Variants in MAP10 observed in about 807,000 individuals in gnomAD.
MAP10 encodes microtubule-associated protein 10.
MAP10 carries 10 observed loss-of-function variants against 6.3 expected under a neutral mutation model. The observed-to-expected ratio is 1.58, with a 90% CI of 0.98 to 2.69. MAP10 has a LOEUF of 2.69. Ranked by LOEUF, MAP10 falls within the 30% of genes most tolerant of loss-of-function variation. The pLI is 0.00. For synonymous variants in MAP10, 459 were observed against 429.3 expected (o/e 1.07, Z -0.86); for missense variants, 1,189 against 1,086.5 (o/e 1.09, Z -1.33).
chr1:232,805,856 ACATTTCGCTGGCCACCGCAGCG>A, the MAP10 span: 5 of 1,591,010 alleles, frequency 3.1e-6, no homozygotes, highest in Non-Finnish European at 4.3e-6. Context: ...GGGGCCTGCG[ACATTTCGCTGGCCACCGCAGCG>A]CACAGGGTCG....
Position 232,805,973 on chromosome 1 carries a change from T to G in MAP10, c.524T>G (p.Ile175Ser). Residue 175 changes from isoleucine (I) to serine (S), a missense_variant, in exon 1 of 1, where the codon ATT becomes AGT. Transcript: ENST00000418460. ...HNRVGERTGD[I>S]ALAYRLTDLG... Reference sequence around the variant, plus strand: ...CGAGTGGGCGAGCGGACTGGGGACATTGCACTGGCCTACCGCCTGACTGAC... The same window carrying G: ...CGAGTGGGCGAGCGGACTGGGGACAGTGCACTGGCCTACCGCCTGACTGAC... 3 of 1,613,358 alleles carry G rather than the reference T, an allele frequency of 1.9e-6. No homozygotes were observed. Among genetic ancestry groups the G allele is most frequent in the Non-Finnish European group, 2.5e-6 (3 of 1,179,830 alleles).
Position 232,806,871 on chromosome 1 carries a change from G to A in MAP10, c.1422G>A (p.Lys474=), listed in dbSNP as rs1171216682. The A allele has an allele frequency of 6.2e-7, 1 of 1,611,380 alleles. No individual in the cohort carries two copies. The highest frequency in any genetic ancestry group is 8.5e-7 in the Non-Finnish European group (1 of 1,179,078). ...AAAAGAACCAAATTGAAAACTATAA[G>A]GAAGATAAATATTCTGAAAAGAGCA... ...QYKKNQIENY[K]EDKYSEKSSG... Residue 474 remains lysine (K), a synonymous_variant, in exon 1 of 1, where the codon AAG becomes AAA. Coordinates refer to ENST00000418460, the MANE Select transcript of MAP10 (RefSeq NM_019090.3).
Position 232,805,913 on chromosome 1 carries a change from C to A in MAP10, c.464C>A (p.Ser155Tyr), listed in dbSNP as rs991232845. The A allele has an allele frequency of 8.7e-6, 14 of 1,608,416 alleles. No homozygotes were observed. The highest frequency in any genetic ancestry group is 1.2e-5 in the Non-Finnish European group (14 of 1,177,970). Residue 155 changes from serine to tyrosine, a missense_variant, in exon 1 of 1, where the codon TCC (serine) becomes TAC (tyrosine). Ser to Tyr is a moderately radical substitution (Grantham distance 144). Coordinates refer to ENST00000418460, the MANE Select transcript of MAP10 (RefSeq NM_019090.3). Reference protein sequence around the residue: ...RVVGPAASGCSHRHRGRFPLH... With the variant: ...RVVGPAASGCYHRHRGRFPLH... ...GTGGGGCCGGCCGCCTCCGGATGCT[C>A]CCACCGTCACCGGGGACGTTTCCCC...
In MAP10 at chr1:232,807,993, A is replaced by G; in HGVS notation, c.2544A>G (p.Thr848=). Residue 848 remains threonine (T), a synonymous_variant, in exon 1 of 1, where the codon ACA becomes ACG. Coordinates refer to ENST00000418460, the MANE Select transcript of MAP10 (RefSeq NM_019090.3). ...KSLEKSQSPQ[T]SQVSSYLPSN... is the part of the protein sequence containing the mutation. ...TAGAAAAAAGCCAGTCACCACAAACATCCCAGGTGAGTTCTTACCTGCCTT... is the reference window on the plus strand; with the variant it reads ...TAGAAAAAAGCCAGTCACCACAAACGTCCCAGGTGAGTTCTTACCTGCCTT... The G allele has an allele frequency of 6.2e-7, 1 of 1,613,418 alleles. No homozygotes were observed. The highest frequency in any genetic ancestry group is 8.5e-7 in the Non-Finnish European group (1 of 1,179,524).
Position 232,808,014 on chromosome 1 carries a change from G to A in MAP10, c.2565G>A (p.Leu855=), listed in dbSNP as rs771989520. The A allele has an allele frequency of 5.6e-6, 9 of 1,613,334 alleles. No homozygotes were observed. Among genetic ancestry groups the A allele is most frequent in the Non-Finnish European group, 7.6e-6 (9 of 1,179,544 alleles). The change falls in exon 1 of 1, where the codon CTG becomes CTA. Residue 855 remains leucine, a synonymous_variant. Coordinates refer to ENST00000418460, the MANE Select transcript of MAP10 (RefSeq NM_019090.3). ...SPQTSQVSSY[L]PSNVSELNVL... Reference sequence around the variant, plus strand: ...AAACATCCCAGGTGAGTTCTTACCTGCCTTCAAATGTGTCCGAACTTAATG... The same window carrying A: ...AAACATCCCAGGTGAGTTCTTACCTACCTTCAAATGTGTCCGAACTTAATG...
chr1:232,807,642 G>A lies in MAP10; in HGVS notation c.2193G>A (p.Arg731=), dbSNP rs1408269583. 3 of 1,610,632 alleles carry A rather than the reference G, an allele frequency of 1.9e-6. No individual in the cohort carries two copies. Among genetic ancestry groups the A allele is most frequent in the East Asian group, 4.5e-5 (2 of 44,836 alleles). ...TCAAAGCTCATGATAGCAGTTCAAG[G>A]ACAGAAAATCCAAAACATAGTCAAT... is the stretch of plus-strand genomic sequence containing the variant. ...RSFKAHDSSS[R]TENPKHSQYT... is the part of the protein sequence containing the mutation. The change falls in exon 1 of 1, where the codon AGG becomes AGA. Residue 731 remains arginine, a synonymous_variant. Transcript: ENST00000418460.
rs1403785899 is a variant in MAP10, at chr1:232,807,592, A to G, written c.2143A>G (p.Thr715Ala). Residue 715 changes from threonine (T) to alanine (A), a missense_variant, in exon 1 of 1, where the codon ACC (threonine) becomes GCC (alanine). Transcript: ENST00000418460. ...CCCTTGCTATTCTGAAGATTTCTGT[A>G]CCAGTGAGGACACCAGCAGAAGTTT... is the stretch of plus-strand genomic sequence containing the variant. Reference protein sequence around the residue: ...SSPCYSEDFCTSEDTSRSFKA... With the variant: ...SSPCYSEDFCASEDTSRSFKA... 6.2e-7 allele frequency: 1 copy of G among 1,610,202 alleles called. No homozygotes were observed. The highest frequency in any genetic ancestry group is 8.5e-7 in the Non-Finnish European group (1 of 1,177,938).
Position 232,805,555 on chromosome 1 carries a change from G to A in MAP10, c.106G>A (p.Glu36Lys), listed in dbSNP as rs780305206. The change falls in exon 1 of 1, where the codon GAG becomes AAG. Residue 36 changes from glutamate to lysine, a missense_variant. Physicochemically the swap from Glu to Lys is moderately conservative, Grantham distance 56. Transcript: ENST00000418460. ...LPSPAAAVEQ[E>K]EEEEEKEQGE... is the part of the protein sequence containing the mutation. ...GTCCCCCGCTGCCGCAGTGGAGCAG[G>A]AGGAGGAAGAGGAGGAAAAGGAGCA... 9.0e-6 allele frequency: 14 copies of A among 1,556,762 alleles called. No homozygotes were observed. Among genetic ancestry groups the A allele is most frequent in the Admixed American group, 7.8e-5 (4 of 51,494 alleles).
Position 232,806,563 on chromosome 1 carries a change from A to G in MAP10, c.1114A>G (p.Ile372Val). The change falls in exon 1 of 1, where the codon ATT becomes GTT. Residue 372 changes from isoleucine to valine, a missense_variant. Coordinates refer to ENST00000418460, the MANE Select transcript of MAP10 (RefSeq NM_019090.3). ...HPPMLVNPPH[I>V]QNIGATNQTC... Reference sequence around the variant, plus strand: ...TCCAATGCTTGTAAATCCTCCACATATTCAGAATATAGGAGCAACTAATCA... The same window carrying G: ...TCCAATGCTTGTAAATCCTCCACATGTTCAGAATATAGGAGCAACTAATCA... The G allele has an allele frequency of 1.9e-6, 3 of 1,613,956 alleles. No homozygotes were observed. Among genetic ancestry groups the G allele is most frequent in the South Asian group, 1.1e-5 (1 of 91,082 alleles).
In MAP10 at chr1:232,808,239, A is replaced by T. The variant is rs1666142371; in HGVS notation, c.*72A>T. On this transcript the variant is annotated 3_prime_UTR_variant, in exon 1 of 1. Transcript: ENST00000418460. ...GTGAAAAAAATTTTAAAGCTGTTTT[A>T]GTTCATGAATTATGTGAATAATTTT... 13 of 902,362 alleles carry T rather than the reference A, an allele frequency of 1.4e-5. No homozygotes were observed. The highest frequency in any genetic ancestry group is 2.0e-5 in the Non-Finnish European group (13 of 639,276). 55.9% of individuals were successfully genotyped at this position (902,362 alleles called of 1,614,324 possible).
chr1:232,806,004 AAG>A, the MAP10 span: 3 of 1,613,662 alleles, frequency 1.9e-6, no homozygotes, highest in African/African-American at 1.3e-5. Flanking sequence ...CTGACCTGGG[AAG>A]CCGCCTGCTG....
rs371716712 is a variant in MAP10 at position 232,806,799 on chromosome 1, T to C, written c.1350T>C (p.Asp450=). The change falls in exon 1 of 1, where the codon GAT becomes GAC. Residue 450 remains aspartate (D), a synonymous_variant. Transcript: ENST00000418460. The part of the protein sequence containing the change: ...KSTCRSEAKK[D]KRSVGGCEKS... ...CATGCCGGTCTGAAGCCAAGAAGGA[T>C]AAGCGTTCTGTGGGGGGATGTGAAA... The C allele has an allele frequency of 1.4e-5, 23 of 1,613,634 alleles. No individual in the cohort carries two copies. The Admixed American group carries it at 2.0e-4, about 14-fold the overall frequency.
In MAP10 at chr1:232,805,812, C is replaced by G. The variant is rs762783188; in HGVS notation, c.363C>G (p.Pro121=). The G allele has an allele frequency of 1.9e-6, 3 of 1,593,234 alleles. No individual in the cohort carries two copies. Among genetic ancestry groups the G allele is most frequent in the Non-Finnish European group, 2.6e-6 (3 of 1,170,318 alleles). The change falls in exon 1 of 1, where the codon CCC becomes CCG. Residue 121 remains proline (P), a synonymous_variant. Transcript: ENST00000418460. ...TTGCCACCTTGCTGCTGCAGCTGCCCCCTGGGCGCCCGACGCCCACCCCAC... is the reference window on the plus strand; with the variant it reads ...TTGCCACCTTGCTGCTGCAGCTGCCGCCTGGGCGCCCGACGCCCACCCCAC... ...TPLATLLLQL[P]PGRPTPTPQL...
chr1:232,807,004 GAA>G, the MAP10 span: 1 of 1,612,618 alleles, frequency 6.2e-7, no homozygotes, highest in Non-Finnish European at 8.5e-7. Context: ...GGTGGTACAT[GAA>G]AAAAGAGAAC....
rs1052029520 is a variant in MAP10, at chr1:232,808,624, T to G, written c.*457T>G. 6.6e-6 allele frequency among the ~76,000 whole-genome samples: 1 copy of G among 152,206 alleles called. No individual in the cohort carries two copies. The highest frequency in any genetic ancestry group is 1.5e-5 in the Non-Finnish European group (1 of 68,002). On this transcript the variant is annotated 3_prime_UTR_variant, in exon 1 of 1. Coordinates refer to ENST00000418460, the MANE Select transcript of MAP10 (RefSeq NM_019090.3). The stretch of plus-strand genomic sequence containing the variant: ...TGTTTTAAAAGCTTACAGTTGTATG[T>G]AGATAAGAAGTCTTCCTTGACATAT...
Position 232,805,998 on chromosome 1 carries a change from C to T in MAP10, c.549C>T (p.Asp183=), listed in dbSNP as rs1323416312. Residue 183 remains aspartate, a synonymous_variant, in exon 1 of 1, where the codon GAC becomes GAT. Transcript: ENST00000418460. ...GDIALAYRLT[D]LGSRLLSQLE... is the part of the protein sequence containing the mutation. ...TTGCACTGGCCTACCGCCTGACTGA[C>T]CTGGGAAGCCGCCTGCTGAGCCAAC... is the stretch of plus-strand genomic sequence containing the variant. 1 of 1,613,834 alleles carries T rather than the reference C, an allele frequency of 6.2e-7. No individual in the cohort carries two copies. Among genetic ancestry groups the T allele is most frequent in the Non-Finnish European group, 8.5e-7 (1 of 1,179,864 alleles).
At position 232,806,033 on chromosome 1, in the gene MAP10, C is replaced by A. The variant is rs1403796397; in HGVS notation, c.584C>A (p.Pro195His). The A allele has an allele frequency of 1.2e-6, 2 of 1,613,846 alleles. No individual in the cohort carries two copies. The highest frequency in any genetic ancestry group is 1.7e-6 in the Non-Finnish European group (2 of 1,179,896). ...GSRLLSQLER[P>H]LTFTRTGGGA... is the part of the protein sequence containing the mutation. ...CGCCTGCTGAGCCAACTTGAGCGGC[C>A]CCTCACCTTCACCCGCACAGGAGGA... Residue 195 changes from proline (P) to histidine (H), a missense_variant, in exon 1 of 1, where the codon CCC (proline) becomes CAC (histidine). By Grantham distance (77) the Pro-to-His change is moderately conservative (BLOSUM62 -2). Transcript: ENST00000418460.
In MAP10 at chr1:232,806,519, C is replaced by T. The variant is rs1175307183; in HGVS notation, c.1070C>T (p.Ser357Phe). Reference protein sequence around the residue: ...AHRSCLKHPSSAAHEHPPMLV... With the variant: ...AHRSCLKHPSFAAHEHPPMLV... Reference sequence around the variant, plus strand: ...AGGAGTTGTCTAAAGCATCCAAGTTCTGCAGCACACGAACATCCTCCAATG... The same window carrying T: ...AGGAGTTGTCTAAAGCATCCAAGTTTTGCAGCACACGAACATCCTCCAATG... Residue 357 changes from serine to phenylalanine, a missense_variant, in exon 1 of 1, where the codon TCT becomes TTT. Coordinates refer to ENST00000418460, the MANE Select transcript of MAP10 (RefSeq NM_019090.3). 10 of 1,613,950 alleles carry T rather than the reference C, an allele frequency of 6.2e-6. No homozygotes were observed. The highest frequency in any genetic ancestry group is 5.1e-6 in the Non-Finnish European group (6 of 1,179,888).
At position 232,806,584 on chromosome 1, in the gene MAP10, A is replaced by C. The variant is rs377308893; in HGVS notation, c.1135A>C (p.Asn379His). The change falls in exon 1 of 1, where the codon AAT becomes CAT. Residue 379 changes from asparagine (N) to histidine (H), a missense_variant. Physicochemically the swap from Asn to His is moderately conservative, Grantham distance 68 (BLOSUM62 1). Transcript: ENST00000418460. ...ACATATTCAGAATATAGGAGCAACT[A>C]ATCAAACATGTCAAACTGAACAAAA... ...PPHIQNIGAT[N>H]QTCQTEQNRI... 3.7e-6 allele frequency: 6 copies of C among 1,613,872 alleles called. No individual in the cohort carries two copies. The highest frequency in any genetic ancestry group is 5.1e-6 in the Non-Finnish European group (6 of 1,179,874).
Sources: gnomAD v4.1 joint callset for allele counts (sites outside exome capture counted in the v4.1 genomes callset) on GRCh38, gnomAD v4.1.1 for gene constraint, MANE v1.5 for transcripts, NCBI Gene and HGNC (gene_info 2026-07-23, HGNC 2026-07-21) for gene names.